Variants in LIX1 observed in about 807,000 individuals in gnomAD.
LIX1 encodes the protein limb and CNS expressed 1, also known as protein limb expression 1 homolog.
Under a neutral mutation model 33.4 loss-of-function variants are expected in LIX1, and 24 were observed. That is an observed-to-expected ratio of 0.72 (90% CI 0.52 to 1.01). The LOEUF (loss-of-function observed/expected upper bound fraction) is 1.01, where lower values mean the gene tolerates loss of function less well. Among genes scored for constraint, LIX1 ranks in the 50% least tolerant of loss-of-function variants. The probability of loss-of-function intolerance (pLI) is 0.00; values close to 1 mark genes in which losing one functional copy is unlikely to be tolerated. For missense variants in LIX1, 311 were observed against 339.2 expected, an observed-to-expected ratio of 0.92 and a Z score of 0.65; for synonymous variants, 124 against 124.0, an observed-to-expected ratio of 1.00 and a Z score of 0.00.
In LIX1 at chr5:97,142,566, G is replaced by A. The variant is rs1216161491; in HGVS notation, c.11C>T (p.Thr4Ile). 3.7e-6 allele frequency: 6 copies of A among 1,613,762 alleles called. No individual in the cohort carries two copies. Among genetic ancestry groups the A allele is most frequent in the Non-Finnish European group, 5.1e-6 (6 of 1,179,796 alleles). Residue 4 changes from threonine to isoleucine, a missense_variant, in exon 1 of 6, where the codon ACC (threonine) becomes ATC (isoleucine). Physicochemically the swap from Thr to Ile is moderately conservative, Grantham distance 89. Coordinates refer to ENST00000274382, the MANE Select transcript of LIX1 (RefSeq NM_153234.5). The stretch of plus-strand genomic sequence containing the variant: ...AATGATGTGTCTCAGAGATTCCAAG[G>A]TTCTGTCCATCTTGGGTCTGCCTGT... MDRTLESLRHIIAQ... is the reference protein window; with the variant it reads MDRILESLRHIIAQ...
chr5:97,106,108 G>T (rs1428444862), intron 3 of LIX1, among the ~76,000 whole-genome samples: 5 of 152,202 alleles, frequency 3.3e-5, no homozygotes, highest in Non-Finnish European at 7.3e-5. Context: ...CTAGAAGCAT[G>T]CAACCATGTA....
chr5:97,103,736 C>T (rs760320262), intron 4 of LIX1, among the ~76,000 whole-genome samples: 16 of 152,080 alleles, frequency 1.1e-4, no homozygotes, highest in Non-Finnish European at 2.1e-4. Flanking sequence ...GAGGCCAAGG[C>T]GGGCAGATCA....
In LIX1 at chr5:97,092,007, A is replaced by G. The variant is rs1333214168; in HGVS notation, c.*2741T>C. 1 of 152,266 alleles carries G rather than the reference A, an allele frequency of 6.6e-6. No individual in the cohort carries two copies. The highest frequency in any genetic ancestry group is 1.9e-4 in the East Asian group (1 of 5,336). The allele number at this position is 152,266 out of a possible 1,614,324, so 9.4% of individuals were successfully genotyped here. On this transcript the variant is annotated 3_prime_UTR_variant, in exon 6 of 6. Coordinates refer to ENST00000274382, the MANE Select transcript of LIX1 (RefSeq NM_153234.5). Reference sequence around the variant, plus strand: ...GATTTTGTGGAACTTAAACTATCTCATGTCAAACACAGTGCAATTTTGGAT... The same window carrying G: ...GATTTTGTGGAACTTAAACTATCTCGTGTCAAACACAGTGCAATTTTGGAT...
intron 1 of LIX1, among the ~76,000 whole-genome samples, chr5:97,124,919 A>G (rs1747881476): frequency 6.6e-6 from 1 of 152,170 alleles, no homozygotes; most frequent in African/African-American, 2.4e-5. Flanking sequence ...TAATTAAAAC[A>G]ATATAGCAGT....
At position 97,112,107 on chromosome 5, in the gene LIX1, C is replaced by T. The variant is rs78690255; in HGVS notation, c.247-4607G>A. Among the ~76,000 whole-genome samples, 1,051 of 152,324 alleles carry T rather than the reference C, an allele frequency of 6.9e-3. 7 individuals are homozygous for T. Among genetic ancestry groups the T allele is most frequent in the African/African-American group, 0.024 (993 of 41,572 alleles). On this transcript the variant is annotated intron_variant, in intron 2 of 5. Coordinates refer to ENST00000274382, the MANE Select transcript of LIX1 (RefSeq NM_153234.5). ...CAAAATGTCTATAATGTTAACCAGC[C>T]GCTTTCTTCTAAATTCTAGAACTAC... is the stretch of plus-strand genomic sequence containing the variant.
At chr5:97,113,648 G>C (rs566484396) in intron 2 of LIX1, among the ~76,000 whole-genome samples, 6 of 152,128 alleles carry the variant, frequency 3.9e-5, no homozygotes, top group Non-Finnish European at 7.4e-5. Flanking sequence ...TTTGTTCTCT[G>C]GTCTGTCTGA....
At chr5:97,137,225 C>CCTCT in intron 1 of LIX1, 1 of 377,418 alleles carries the variant, frequency 2.6e-6, no homozygotes, top group South Asian at 2.1e-5. Flanking sequence ...CCACCAAAGA[C>CCTCT]CTCTGGTGAG....
In LIX1 at chr5:97,124,592, G is replaced by A. The variant is rs201089364; in HGVS notation, c.120C>T (p.Ser40=). The A allele has an allele frequency of 2.5e-6, 4 of 1,609,880 alleles. No individual in the cohort carries two copies. The highest frequency in any genetic ancestry group is 3.4e-6 in the Non-Finnish European group (4 of 1,177,652). The change falls in exon 2 of 6, where the codon AGC becomes AGT. Residue 40 remains serine, a synonymous_variant. Transcript: ENST00000274382. ...VVSMLQEFWE[S]KQQQKAAFPS... Reference sequence around the variant, plus strand: ...GGAATGCAGCCTTCTGCTGCTGCTTGCTTTCCCAAAATTCCTGTAACATTG... The same window carrying A: ...GGAATGCAGCCTTCTGCTGCTGCTTACTTTCCCAAAATTCCTGTAACATTG...
intron 2 of LIX1, among the ~76,000 whole-genome samples, chr5:97,123,364 C>T (rs1747832433): frequency 1.3e-5 from 2 of 152,182 alleles, no homozygotes; most frequent in Non-Finnish European, 2.9e-5. Context: ...ATACCCGCTC[C>T]ACTTCCTCCT....
At chr5:97,097,344 T>C (rs1269536223) in intron 4 of LIX1, among the ~76,000 whole-genome samples, 1 of 152,174 alleles carries the variant, frequency 6.6e-6, no homozygotes, top group East Asian at 1.9e-4. Context: ...TTTGCAATCA[T>C]AAAGAAAGGA....
intron 1 of LIX1, among the ~76,000 whole-genome samples, chr5:97,131,338 T>A (rs1163757452): frequency 6.6e-6 from 1 of 152,168 alleles, no homozygotes; most frequent in Non-Finnish European, 1.5e-5. Context: ...ACTCCCACAC[T>A]TCAGGGGAAA....
chr5:97,128,624 T>C (rs756006113), intron 1 of LIX1, among the ~76,000 whole-genome samples: 46 of 152,164 alleles, frequency 3.0e-4, no homozygotes, highest in Non-Finnish European at 6.5e-4. Flanking sequence ...TTTCATAAAC[T>C]CTTCTCTTCC....
chr5:97,129,952 A>G (rs1291349626), intron 1 of LIX1, among the ~76,000 whole-genome samples: 1 of 152,234 alleles, frequency 6.6e-6, no homozygotes, highest in Non-Finnish European at 1.5e-5. Context: ...AAATGAAAGA[A>G]AAGACTTTAT....
At chr5:97,142,208 A>T (rs1294916017) in intron 1 of LIX1, among the ~76,000 whole-genome samples, 1 of 152,214 alleles carries the variant, frequency 6.6e-6, no homozygotes, top group African/African-American at 2.4e-5. Flanking sequence ...TGCTTTACTT[A>T]AAAAGCATCA....
intron 2 of LIX1, among the ~76,000 whole-genome samples, chr5:97,120,673 C>G (rs561156956): frequency 6.6e-6 from 1 of 152,044 alleles, no homozygotes; most frequent in Non-Finnish European, 1.5e-5. Flanking sequence ...GCATGAGGAA[C>G]AGTTAGGTAG....
intron 1 of LIX1, among the ~76,000 whole-genome samples, chr5:97,141,658 TAA>T (rs562091676): frequency 1.3e-5 from 2 of 152,076 alleles, no homozygotes; most frequent in African/African-American, 4.8e-5. Flanking sequence ...CTATTGAAGT[TAA>T]AAAAAATTCC....
chr5:97,130,218 G>A (rs901720732), intron 1 of LIX1, among the ~76,000 whole-genome samples: 1 of 152,174 alleles, frequency 6.6e-6, no homozygotes, highest in East Asian at 1.9e-4. Flanking sequence ...ATTGCTGAGG[G>A]GCTTGGTTTC....
At chr5:97,119,804 T>C (rs899521292) in intron 2 of LIX1, among the ~76,000 whole-genome samples, 2 of 152,068 alleles carry the variant, frequency 1.3e-5, no homozygotes, top group African/African-American at 4.8e-5. Flanking sequence ...AGCTATCATT[T>C]TGGGTCAAAA....
chr5:97,127,577 C>T (rs1045124371), intron 1 of LIX1, among the ~76,000 whole-genome samples: 1 of 152,066 alleles, frequency 6.6e-6, no homozygotes, highest in Non-Finnish European at 1.5e-5. Context: ...TTTGGAATTC[C>T]AAAGATGGGT....
Sources: gnomAD v4.1 joint callset for allele counts (sites outside exome capture counted in the v4.1 genomes callset) on GRCh38, gnomAD v4.1.1 for gene constraint, MANE v1.5 for transcripts, NCBI Gene and HGNC (gene_info 2026-07-23, HGNC 2026-07-21) for gene names.